Variants in AK5 observed in about 807,000 individuals in gnomAD.
AK5 encodes adenylate kinase isoenzyme 5.
AK5 carries 27 observed loss-of-function variants against 69.5 expected under a neutral mutation model. The observed-to-expected ratio is 0.39, with a 90% CI of 0.29 to 0.54. The LOEUF is 0.54. AK5 is among the 20% of genes least tolerant of loss of function. The pLI is 0.71. For synonymous variants in AK5, 260 were observed against 244.4 expected (o/e 1.06, Z -0.60); for missense variants, 531 against 700.4 (o/e 0.76, Z 2.73).
intron 8 of AK5, among the ~76,000 whole-genome samples, chr1:77,425,296 T>C (rs12068040): frequency 0.079 from 11,976 of 152,082 alleles, 572 homozygotes; most frequent in East Asian, 0.19. Context: ...GAAGAAAAAA[T>C]GACATAGAGC....
intron 5 of AK5, among the ~76,000 whole-genome samples, chr1:77,306,626 G>A (rs927229391): frequency 1.3e-5 from 2 of 151,520 alleles, no homozygotes; most frequent in African/African-American, 4.8e-5. Context: ...AATGACTTTG[G>A]AATTATTTCC....
At chr1:77,391,495 G>GTATATATATATATATA (rs753916010) in intron 6 of AK5, among the ~76,000 whole-genome samples, 27 of 63,360 alleles carry the variant, frequency 4.3e-4, no homozygotes, top group African/African-American at 6.3e-4. Flanking sequence ...GTGTGTGTGT[G>GTATATATATATATATA]TATATATATA....
intron 6 of AK5, among the ~76,000 whole-genome samples, chr1:77,372,597 T>C (rs2100479590): frequency 6.6e-6 from 1 of 152,320 alleles, no homozygotes. Context: ...AAACCTTGTG[T>C]TTTCTTTGAT....
chr1:77,459,324 G>A (rs992270593), intron 8 of AK5, among the ~76,000 whole-genome samples: 72 of 152,266 alleles, frequency 4.7e-4, no homozygotes, highest in Non-Finnish European at 1.2e-4. Context: ...TCTCCAGCCT[G>A]TAACAGTTTT....
At chr1:77,550,282 A>G (rs1430136197) in intron 13 of AK5, among the ~76,000 whole-genome samples, 1 of 152,172 alleles carries the variant, frequency 6.6e-6, no homozygotes, top group East Asian at 1.9e-4. Flanking sequence ...CTACTTACCT[A>G]GTTTCTAACT....
Position 77,322,631 on chromosome 1 carries a change from T to C in AK5, c.700-17746T>C, listed in dbSNP as rs541471731. On this transcript the variant is annotated intron_variant, in intron 5 of 13. Coordinates refer to ENST00000354567, the MANE Select transcript of AK5 (RefSeq NM_174858.3). ...GTAGCTACTGATCTCATTTTGTAAA[T>C]GAGAAAATTGAGTCCCAGAGAGATT... Among the ~76,000 whole-genome samples, 7 of 152,244 alleles carry C rather than the reference T, an allele frequency of 4.6e-5. No homozygotes were observed. In the South Asian group the frequency reaches 1.0e-3, roughly 23 times the overall value.
chr1:77,554,180 G>A (rs897028070), intron 13 of AK5, among the ~76,000 whole-genome samples: 1 of 152,064 alleles, frequency 6.6e-6, no homozygotes, highest in East Asian at 1.9e-4. Context: ...ACCCCATGCA[G>A]CATTTGCTCT....
chr1:77,457,233 ATCT>A (rs1298106500), intron 8 of AK5, among the ~76,000 whole-genome samples: 3 of 152,176 alleles, frequency 2.0e-5, no homozygotes, highest in Non-Finnish European at 2.9e-5. Context: ...CTTGGTGCAG[ATCT>A]TCTTTCATTC....
At chr1:77,537,104 GTGA>G (rs1458517294) in intron 13 of AK5, among the ~76,000 whole-genome samples, 1 of 152,126 alleles carries the variant, frequency 6.6e-6, no homozygotes, top group African/African-American at 2.4e-5. Context: ...AGACAAACGT[GTGA>G]TCACACAATG....
intron 8 of AK5, among the ~76,000 whole-genome samples, chr1:77,420,830 C>A (rs1446604470): frequency 6.6e-6 from 1 of 152,128 alleles, no homozygotes; most frequent in Admixed American, 6.5e-5. Flanking sequence ...TAGGGATCAC[C>A]ACACTTTTTC....
At chr1:77,285,299 A>T (rs980756659) in intron 1 of AK5, among the ~76,000 whole-genome samples, 3 of 152,234 alleles carry the variant, frequency 2.0e-5, no homozygotes, top group African/African-American at 7.2e-5. Flanking sequence ...ATGTGTGTGT[A>T]TATGGGACAG....
intron 5 of AK5, among the ~76,000 whole-genome samples, chr1:77,334,274 T>G (rs1378522684): frequency 6.6e-6 from 1 of 152,210 alleles, no homozygotes; most frequent in African/African-American, 2.4e-5. Context: ...AATAGTGTCA[T>G]TGTTTTCTGA....
chr1:77,356,985 T>C (rs1194523669), intron 6 of AK5, among the ~76,000 whole-genome samples: 2 of 152,168 alleles, frequency 1.3e-5, no homozygotes, highest in African/African-American at 2.4e-5. Flanking sequence ...AGCTCTTGTG[T>C]TGATTTTTTC....
In AK5 at chr1:77,449,835, G is replaced by A. The variant is rs142135759; in HGVS notation, c.1059+32120G>A. Among the ~76,000 whole-genome samples, 552 of 152,186 alleles carry A rather than the reference G, an allele frequency of 3.6e-3. 7 individuals are homozygous for A. Among genetic ancestry groups the A allele is most frequent in the African/African-American group, 0.012 (499 of 41,530 alleles). On this transcript the variant is annotated intron_variant, in intron 8 of 13. Coordinates refer to ENST00000354567, the MANE Select transcript of AK5 (RefSeq NM_174858.3). ...TAACATTCGGCTCCTCATTACTTAC[G>A]CAAATTTCTGCAGCCAGCTTGAGTT...
chr1:77,428,849 C>G (rs1159167442), intron 8 of AK5, among the ~76,000 whole-genome samples: 1 of 151,842 alleles, frequency 6.6e-6, no homozygotes, highest in Non-Finnish European at 1.5e-5. Flanking sequence ...TGAGAACATG[C>G]GGTGTTTGGT....
At chr1:77,393,527 A>G (rs899156081) in intron 6 of AK5, among the ~76,000 whole-genome samples, 1 of 152,238 alleles carries the variant, frequency 6.6e-6, no homozygotes, top group African/African-American at 2.4e-5. Flanking sequence ...GTTGTCAGAA[A>G]GATATGTAAG....
chr1:77,429,279 T>A (rs536528673), intron 8 of AK5, among the ~76,000 whole-genome samples: 1 of 152,350 alleles, frequency 6.6e-6, no homozygotes, highest in East Asian at 1.9e-4. Context: ...TCCTGACTTT[T>A]TAATGATCGC....
chr1:77,519,868 C>T (rs2100314340), intron 11 of AK5, among the ~76,000 whole-genome samples: 1 of 152,258 alleles, frequency 6.6e-6, no homozygotes, highest in Middle Eastern at 3.4e-3. Flanking sequence ...GTCTTTATGA[C>T]CTGTGTCTTG....
chr1:77,433,982 C>G (rs76876117), intron 8 of AK5, among the ~76,000 whole-genome samples: 11,345 of 151,394 alleles, frequency 0.075, 522 homozygotes, highest in Middle Eastern at 0.14. Context: ...TTCTTAGAGT[C>G]TTTTCCATGA....
Sources: gnomAD v4.1 joint callset for allele counts (sites outside exome capture counted in the v4.1 genomes callset) on GRCh38, gnomAD v4.1.1 for gene constraint, MANE v1.5 for transcripts, NCBI Gene and HGNC (gene_info 2026-07-23, HGNC 2026-07-21) for gene names.